The following FOLH1 variants were observed in gnomAD, a reference collection of about 807,000 sequenced individuals.
FOLH1 encodes the protein glutamate carboxypeptidase 2.
In FOLH1, 54 loss-of-function variants were observed where a neutral mutation model predicts 93.9. The ratio of observed to expected loss-of-function variants is 0.57; its 90% confidence interval spans 0.46 to 0.72. FOLH1 has a LOEUF of 0.72. Ranked by LOEUF, FOLH1 falls within the 30% of genes least tolerant of loss-of-function variation. The pLI is 0.00. For missense variants in FOLH1, 571 were observed against 892.5 expected (o/e 0.64, Z 4.59); for synonymous variants, 249 against 303.6 (o/e 0.82, Z 1.87).
chr11:49,186,812 CAAG>C (rs1861437814), intron 4 of FOLH1, 43 bp from the exon 5 acceptor site: 3 of 1,535,458 alleles, frequency 2.0e-6, no homozygotes, highest in Non-Finnish European at 2.6e-6. Flanking sequence ...AGATATAAAA[CAAG>C]GAGGTTTTTC....
intron 13 of FOLH1, among the ~76,000 whole-genome samples, chr11:49,163,282 C>A (rs1190980020): frequency 1.3e-5 from 2 of 151,948 alleles, no homozygotes; most frequent in Non-Finnish European, 2.9e-5. Context: ...GTGGGGGTAG[C>A]CAGAAACCCT....
intron 5 of FOLH1, 54 bp downstream of exon 5, chr11:49,186,590 C>T: frequency 6.4e-7 from 1 of 1,552,250 alleles, no homozygotes; most frequent in Non-Finnish European, 8.7e-7. Flanking sequence ...ATGTAAAACC[C>T]ACTATAACTT....
At chr11:49,206,043 A>G in intron 2 of FOLH1, 24 bp downstream of exon 2, 1 of 1,597,410 alleles carries the variant, frequency 6.3e-7, no homozygotes. Context: ...ACTTGTCCAT[A>G]TAAACTTTCG....
intron 17 of FOLH1, 138 bp downstream of exon 17, chr11:49,153,708 T>A (rs1856703812): frequency 1.8e-6 from 1 of 562,790 alleles, no homozygotes; most frequent in Non-Finnish European, 2.8e-6. Flanking sequence ...ATCCAGCAAC[T>A]TAAAGTAAAA....
intron 13 of FOLH1, among the ~76,000 whole-genome samples, chr11:49,160,852 T>C (rs1313289003): frequency 6.6e-6 from 1 of 152,216 alleles, no homozygotes; most frequent in Non-Finnish European, 1.5e-5. Context: ...TCTCATTAGT[T>C]TCAAAGAACT....
chr11:49,166,019 T>A (rs1358471413), intron 12 of FOLH1, among the ~76,000 whole-genome samples: 1 of 152,144 alleles, frequency 6.6e-6, no homozygotes, highest in Admixed American at 6.5e-5. Context: ...CAAAAAAGCA[T>A]GCAAATAAAA....
chr11:49,194,467 A>C (rs1318484704), intron 3 of FOLH1, among the ~76,000 whole-genome samples: 1 of 152,090 alleles, frequency 6.6e-6, no homozygotes, highest in Admixed American at 6.6e-5. Context: ...AACAAGACTG[A>C]ATTAAAATTA....
intron 1 of FOLH1, among the ~76,000 whole-genome samples, chr11:49,207,252 A>G (rs550692707): frequency 1.3e-5 from 2 of 152,288 alleles, no homozygotes; most frequent in East Asian, 1.9e-4. Context: ...GCGGACATCA[A>G]TAAAGAACTC....
At chr11:49,188,277 G>A (rs1205467293) in intron 4 of FOLH1, among the ~76,000 whole-genome samples, 2 of 152,088 alleles carry the variant, frequency 1.3e-5, no homozygotes, top group Non-Finnish European at 2.9e-5. Context: ...CACTTTGGGA[G>A]GCTGGGTTGG....
chr11:49,190,845 G>A (rs1220848961), intron 4 of FOLH1, among the ~76,000 whole-genome samples: 1 of 152,016 alleles, frequency 6.6e-6, no homozygotes, highest in Non-Finnish European at 1.5e-5. Flanking sequence ...TTTTTGAGAC[G>A]GAATCTAGCT....
At chr11:49,158,684 T>C (rs1857295168) in intron 13 of FOLH1, among the ~76,000 whole-genome samples, 1 of 152,210 alleles carries the variant, frequency 6.6e-6, no homozygotes, top group African/African-American at 2.4e-5. Context: ...AACAATAGTT[T>C]AATAGGAATA....
At chr11:49,197,733 A>G (rs1187418182) in intron 3 of FOLH1, among the ~76,000 whole-genome samples, 1 of 152,192 alleles carries the variant, frequency 6.6e-6, no homozygotes, top group Non-Finnish European at 1.5e-5. Flanking sequence ...GTAAGAGAAC[A>G]TGGTGGTTGG....
chr11:49,180,118 A>C (rs755124403), intron 7 of FOLH1, among the ~76,000 whole-genome samples: 17 of 152,084 alleles, frequency 1.1e-4, no homozygotes, highest in Non-Finnish European at 2.4e-4. Context: ...TCAGACATCA[A>C]TTTGGGCCCC....
intron 6 of FOLH1, among the ~76,000 whole-genome samples, chr11:49,184,648 A>G (rs367648275): frequency 1.5e-4 from 23 of 152,216 alleles, no homozygotes; most frequent in African/African-American, 5.5e-4. Context: ...TACAAAGCCA[A>G]AAAAAATACA....
At chr11:49,170,593 C>A (rs1485923063) in intron 11 of FOLH1, among the ~76,000 whole-genome samples, 1 of 152,118 alleles carries the variant, frequency 6.6e-6, no homozygotes, top group African/African-American at 2.4e-5. Flanking sequence ...CCAGCCTGGG[C>A]AACAGAGCGA....
intron 12 of FOLH1, among the ~76,000 whole-genome samples, chr11:49,167,501 A>G (rs1858552081): frequency 6.6e-6 from 1 of 152,212 alleles, no homozygotes; most frequent in Non-Finnish European, 1.5e-5. Context: ...AGAACAGTGT[A>G]GCTCAGAGGC....
Position 49,186,684 on chromosome 11 carries a change from A to G in FOLH1, c.599T>C (p.Ile200Thr), listed in dbSNP as rs1331861708. The change falls in exon 5 of 19, where the codon ATT becomes ACT. Residue 200 changes from isoleucine to threonine, a missense_variant. By Grantham distance (89) the Ile-to-Thr change is moderately conservative. Around this residue, in one of 2 missense-constraint regions of FOLH1, gnomAD observed 500 missense variants for 822.9 expected, o/e 0.61. Transcript: ENST00000256999. ...RDMKINCSGK[I>T]VIARYGKVFR... ...AACTTTCCCATATCTGGCAATTACAATTTTCCCAGAGCAATTGATTTTCAT... is the reference window on the plus strand; with the variant it reads ...AACTTTCCCATATCTGGCAATTACAGTTTTCCCAGAGCAATTGATTTTCAT... 6.2e-7 allele frequency: 1 copy of G among 1,613,192 alleles called. No individual in the cohort carries two copies. The highest frequency in any genetic ancestry group is 8.5e-7 in the Non-Finnish European group (1 of 1,179,564).
intron 5 of FOLH1, among the ~76,000 whole-genome samples, chr11:49,186,280 T>C (rs1305999222): frequency 1.3e-5 from 2 of 152,242 alleles, no homozygotes; most frequent in Admixed American, 1.3e-4. Context: ...TCCCTCATTA[T>C]TTATAACAAT....
At chr11:49,200,891 CTT>C (rs894370412) in intron 2 of FOLH1, among the ~76,000 whole-genome samples, 1 of 152,044 alleles carries the variant, frequency 6.6e-6, no homozygotes, top group African/African-American at 2.4e-5. Context: ...AAGTGATAAA[CTT>C]TTTGATTAGC....
Sources: gnomAD v4.1 joint callset for allele counts (sites outside exome capture counted in the v4.1 genomes callset) on GRCh38, gnomAD v4.1.1 for gene constraint, gnomAD v4.1.1 regional missense constraint, MANE v1.5 for transcripts, NCBI Gene and HGNC (gene_info 2026-07-23, HGNC 2026-07-21) for gene names.